The following NOCT variants were observed in gnomAD, a reference collection of about 807,000 sequenced individuals.
The protein encoded by NOCT is nocturnin, also known as CCR4 carbon catabolite repression 4-like.
A neutral mutation model predicts 35.0 loss-of-function variants in NOCT; 18 were observed. The observed-to-expected ratio is 0.51, with a 90% CI of 0.36 to 0.76. NOCT has a LOEUF of 0.76. Ranked by LOEUF, NOCT falls within the 30% of genes least tolerant of loss-of-function variation. NOCT has a pLI of 0.01. For missense variants in NOCT, 479 were observed against 541.0 expected, an observed-to-expected ratio of 0.89 and a Z score of 1.14; for synonymous variants, 235 against 226.3, an observed-to-expected ratio of 1.04 and a Z score of -0.34.
At chr4:139,033,377 A>G (rs1228848398) in intron 1 of NOCT, among the ~76,000 whole-genome samples, 1 of 151,720 alleles carries the variant, frequency 6.6e-6, no homozygotes, top group Non-Finnish European at 1.5e-5. Flanking sequence ...AAAAAAAAAA[A>G]GTTGAATGTT....
intron 1 of NOCT, among the ~76,000 whole-genome samples, chr4:139,024,663 C>T (rs1423528739): frequency 6.6e-6 from 1 of 152,186 alleles, no homozygotes; most frequent in Non-Finnish European, 1.5e-5. Flanking sequence ...GTGATCTCAG[C>T]TCACTGCAGC....
chr4:139,021,856 T>C (rs577512462), intron 1 of NOCT, among the ~76,000 whole-genome samples: 1 of 152,034 alleles, frequency 6.6e-6, no homozygotes, highest in East Asian at 1.9e-4. Flanking sequence ...CCTCCCGGGT[T>C]CAAGCAATTC....
rs142913176 is a variant in NOCT at position 139,045,482 on chromosome 4, C to G, written c.*8C>G. The stretch of plus-strand genomic sequence containing the variant: ...TCTGATGGACTTTCATAAATACTTG[C>G]TTTTGTCTTTTTAATCACAGGAGTC... On this transcript the variant is annotated 3_prime_UTR_variant, in exon 3 of 3. Coordinates refer to ENST00000280614, the MANE Select transcript of NOCT (RefSeq NM_012118.4). 2.7e-5 allele frequency: 24 copies of G among 875,422 alleles called. No individual in the cohort carries two copies. Among genetic ancestry groups the G allele is most frequent in the Middle Eastern group, 2.9e-4 (1 of 3,412 alleles). The allele number at this position is 875,422 out of a possible 1,614,324, so 54.2% of individuals were successfully genotyped here.
At chr4:139,044,406 C>G (rs1257700987) in intron 2 of NOCT, among the ~76,000 whole-genome samples, 2 of 152,112 alleles carry the variant, frequency 1.3e-5, no homozygotes, top group Non-Finnish European at 2.9e-5. Context: ...TCTTAATATC[C>G]TGGAATATAG....
intron 1 of NOCT, among the ~76,000 whole-genome samples, chr4:139,033,998 A>G (rs1460813992): frequency 6.6e-6 from 1 of 152,192 alleles, no homozygotes; most frequent in Admixed American, 6.5e-5. Flanking sequence ...TGCTAGGATT[A>G]TAGCACGTTT....
At chr4:139,042,428 CTTTT>C (rs1406908302) in intron 1 of NOCT, among the ~76,000 whole-genome samples, 2 of 152,034 alleles carry the variant, frequency 1.3e-5, no homozygotes, top group Non-Finnish European at 2.9e-5. Flanking sequence ...AAGCCTTGCT[CTTTT>C]TTTAAGACTG....
chr4:139,021,089 A>G (rs1174675349), intron 1 of NOCT, among the ~76,000 whole-genome samples: 1 of 150,884 alleles, frequency 6.6e-6, no homozygotes, highest in African/African-American at 2.4e-5. Context: ...AAAAAAAAAA[A>G]GGATCTTTGA....
chr4:139,028,662 TGACGAGCAGCA>T (rs1171649417), intron 1 of NOCT, among the ~76,000 whole-genome samples: 1 of 152,244 alleles, frequency 6.6e-6, no homozygotes, highest in Non-Finnish European at 1.5e-5. Flanking sequence ...CTGGAGATGC[TGACGAGCAGCA>T]GTCCAAGGTG....
chr4:139,019,639 C>T lies in NOCT; in HGVS notation c.190+3468C>T, dbSNP rs190587467. 1.9e-3 allele frequency among the ~76,000 whole-genome samples: 292 copies of T among 152,232 alleles called. 2 individuals carry two copies. Among genetic ancestry groups the T allele is most frequent in the African/African-American group, 5.8e-3 (242 of 41,540 alleles). The stretch of plus-strand genomic sequence containing the variant: ...ATCAGTTCCTGCATAACTTATGCCC[C>T]TTGGCAATTGGTAGTTATTGGGAAG... On this transcript the variant is annotated intron_variant, in intron 1 of 2. Coordinates refer to ENST00000280614, the MANE Select transcript of NOCT (RefSeq NM_012118.4).
At chr4:139,037,904 GAA>G (rs538193810) in intron 1 of NOCT, among the ~76,000 whole-genome samples, 37 of 133,714 alleles carry the variant, frequency 2.8e-4, no homozygotes, top group African/African-American at 7.1e-4. Flanking sequence ...GCCCTTTGGG[GAA>G]AAAAAAAAAA....
intron 1 of NOCT, among the ~76,000 whole-genome samples, chr4:139,038,973 C>G (rs922567554): frequency 2.0e-5 from 3 of 151,730 alleles, no homozygotes; most frequent in African/African-American, 7.3e-5. Context: ...GCTCTGTGGG[C>G]CAAAAATGGT....
chr4:139,035,215 C>T (rs1428356640), intron 1 of NOCT, among the ~76,000 whole-genome samples: 2 of 152,084 alleles, frequency 1.3e-5, no homozygotes, highest in South Asian at 2.1e-4. Context: ...CAGCCTCAAT[C>T]TCCTGGGCTC....
chr4:139,044,856 T>G lies in NOCT; in HGVS notation c.678T>G (p.Asp226Glu). ...CCAAACCCTGGTCACCTTGTCTAGA[T>G]GTAGAACACAACAATGGACCAGATG... is the stretch of plus-strand genomic sequence containing the variant. ...FFPKPWSPCL[D>E]VEHNNGPDGC... Residue 226 changes from aspartate to glutamate, a missense_variant, in exon 3 of 3, where the codon GAT becomes GAG. By Grantham distance (45) the Asp-to-Glu change is conservative. Around this residue, in one of 2 missense-constraint regions of NOCT, gnomAD observed 214 missense variants for 284.0 expected, o/e 0.75. Coordinates refer to ENST00000280614, the MANE Select transcript of NOCT (RefSeq NM_012118.4). The G allele has an allele frequency of 6.2e-7, 1 of 1,614,200 alleles. No individual in the cohort carries two copies. Among genetic ancestry groups the G allele is most frequent in the East Asian group, 2.2e-5 (1 of 44,888 alleles).
chr4:139,026,251 G>A (rs922307531), intron 1 of NOCT, among the ~76,000 whole-genome samples: 6 of 151,738 alleles, frequency 4.0e-5, no homozygotes, highest in Admixed American at 3.9e-4. Flanking sequence ...ACAGGCATGC[G>A]CTACCACGCC....
At chr4:139,037,745 TG>T (rs1401917655) in intron 1 of NOCT, among the ~76,000 whole-genome samples, 1 of 152,100 alleles carries the variant, frequency 6.6e-6, no homozygotes, top group Non-Finnish European at 1.5e-5. Flanking sequence ...AGATCTTGGC[TG>T]GTACGGTGGT....
chr4:139,031,440 C>T lies in NOCT; in HGVS notation c.191-11634C>T, dbSNP rs548335934. Among the ~76,000 whole-genome samples the T allele has an allele frequency of 2.5e-3, 386 of 152,088 alleles. 1 individual carries two copies. Among genetic ancestry groups the T allele is most frequent in the Non-Finnish European group, 3.3e-3 (224 of 67,992 alleles). On this transcript the variant is annotated intron_variant, in intron 1 of 2. Coordinates refer to ENST00000280614, the MANE Select transcript of NOCT (RefSeq NM_012118.4). ...CTGGGTTTACAGGTGTGAGCCACCACGCCCGGCCTGCCCTGAGTGATTCCT... is the reference window on the plus strand; with the variant it reads ...CTGGGTTTACAGGTGTGAGCCACCATGCCCGGCCTGCCCTGAGTGATTCCT...
At chr4:139,026,162 C>T (rs968539489) in intron 1 of NOCT, among the ~76,000 whole-genome samples, 14 of 152,126 alleles carry the variant, frequency 9.2e-5, no homozygotes, top group African/African-American at 3.1e-4. Flanking sequence ...AGTGCAGTGG[C>T]GCAATCTCTG....
intron 1 of NOCT, among the ~76,000 whole-genome samples, chr4:139,020,638 T>C (rs1726391189): frequency 6.6e-6 from 1 of 152,140 alleles, no homozygotes; most frequent in Admixed American, 6.5e-5. Context: ...GTGGAGTGCA[T>C]ATTTAACAAG....
chr4:139,043,066 T>C lies in NOCT; in HGVS notation c.191-8T>C, dbSNP rs1384206089. The stretch of plus-strand genomic sequence containing the variant: ...CTGAGTGTGTAACTGTGATTTCCTT[T>C]TCCGTAGTGTGTTCCATGGGAACCG... On this transcript the variant is annotated splice_region_variant and splice_polypyrimidine_tract_variant and intron_variant, in intron 1 of 2. Transcript: ENST00000280614. The C allele has an allele frequency of 3.2e-6, 5 of 1,583,028 alleles. No homozygotes were observed. Among genetic ancestry groups the C allele is most frequent in the Non-Finnish European group, 4.3e-6 (5 of 1,157,200 alleles).
Sources: allele counts gnomAD v4.1 joint callset (sites outside exome capture counted in the v4.1 genomes callset), GRCh38; gene constraint gnomAD v4.1.1; regional missense constraint gnomAD v4.1.1; transcripts MANE v1.5; gene names NCBI Gene and HGNC (gene_info 2026-07-23, HGNC 2026-07-21).